The following AFG1L variants were observed in gnomAD, a reference collection of about 807,000 sequenced individuals.
The protein encoded by AFG1L is AFG1 like ATPase.
A neutral mutation model predicts 62.2 loss-of-function variants in AFG1L; 53 were observed. That is an observed-to-expected ratio of 0.85 (90% confidence interval 0.68 to 1.07). The LOEUF (loss-of-function observed/expected upper bound fraction) is 1.07, where lower values mean the gene tolerates loss of function less well. AFG1L is among the 50% of genes least tolerant of loss of function. The probability of loss-of-function intolerance (pLI) is 0.00; values close to 1 mark genes in which losing one functional copy is unlikely to be tolerated. For synonymous variants in AFG1L, 228 were observed against 210.3 expected (o/e 1.08, Z -0.73); for missense variants, 555 against 590.5 (o/e 0.94, Z 0.62).
At chr6:108,449,103 A>G (rs1374397561) in intron 8 of AFG1L, among the ~76,000 whole-genome samples, 1 of 151,826 alleles carries the variant, frequency 6.6e-6, no homozygotes, top group Non-Finnish European at 1.5e-5. Flanking sequence ...AGCTGTGATC[A>G]TACCACTGTA....
rs544175066 is a variant in AFG1L, at chr6:108,441,407, A to AT, written c.808-5799dup. ...TTTCCTCTCCAAATTTTCTAATTGCATTTTTTTTAGATTGTGTAATTGTAT... is the reference window on the plus strand; with the variant it reads ...TTTCCTCTCCAAATTTTCTAATTGCATTTTTTTTTAGATTGTGTAATTGTAT... On this transcript the variant is annotated intron_variant, in intron 7 of 12. Coordinates refer to ENST00000368977, the MANE Select transcript of AFG1L (RefSeq NM_145315.5). Among the ~76,000 whole-genome samples, 42 of 151,806 alleles carry AT rather than the reference A, an allele frequency of 2.8e-4. No homozygotes were observed. In the East Asian group the frequency reaches 6.4e-3, roughly 23 times the overall value.
At position 108,356,629 on chromosome 6, in the gene AFG1L, T is replaced by C. The variant is rs930873807; in HGVS notation, c.518-61T>C. 26 of 1,178,046 alleles carry C rather than the reference T, an allele frequency of 2.2e-5. No individual in the cohort carries two copies. The Admixed American group carries it at 6.2e-4, about 28-fold the overall frequency. 73.0% of individuals were successfully genotyped at this position (1,178,046 alleles called of 1,614,324 possible). ...GTTTCATTTAGAGATTTTAAAAATA[T>C]GTTATAATTGTCTAAAAAGTACTAA... On this transcript the variant is annotated intron_variant, in intron 4 of 12. Transcript: ENST00000368977.
intron 6 of AFG1L, among the ~76,000 whole-genome samples, chr6:108,394,039 C>T (rs1781180051): frequency 6.7e-6 from 1 of 150,108 alleles, no homozygotes. Flanking sequence ...CCTTCCCCTT[C>T]CCTTCCCTCC....
intron 10 of AFG1L, among the ~76,000 whole-genome samples, chr6:108,499,111 C>A (rs1465105154): frequency 6.7e-6 from 1 of 149,782 alleles, no homozygotes; most frequent in Non-Finnish European, 1.5e-5. Flanking sequence ...CTCTGTCGCC[C>A]AGGCTGGAGT....
intron 10 of AFG1L, among the ~76,000 whole-genome samples, chr6:108,501,418 AG>A (rs1774197102): frequency 6.6e-6 from 1 of 152,226 alleles, no homozygotes; most frequent in Non-Finnish European, 1.5e-5. Flanking sequence ...ATTTTTTGTT[AG>A]GGCAATGAAG....
At chr6:108,322,304 G>C (rs766813262) in intron 1 of AFG1L, among the ~76,000 whole-genome samples, 2 of 152,130 alleles carry the variant, frequency 1.3e-5, no homozygotes, top group African/African-American at 2.4e-5. Flanking sequence ...TGTGTATCTT[G>C]TTGCTCTGCT....
At chr6:108,414,457 G>A (rs1782266159) in intron 7 of AFG1L, among the ~76,000 whole-genome samples, 2 of 152,142 alleles carry the variant, frequency 1.3e-5, no homozygotes, top group South Asian at 4.1e-4. Flanking sequence ...AAGCCCGGCA[G>A]AGACACAACA....
At chr6:108,403,572 T>C (rs1030549906) in intron 7 of AFG1L, among the ~76,000 whole-genome samples, 1 of 152,176 alleles carries the variant, frequency 6.6e-6, no homozygotes, top group Non-Finnish European at 1.5e-5. Flanking sequence ...TATTCATGCT[T>C]TGCATTTAGG....
intron 3 of AFG1L, among the ~76,000 whole-genome samples, chr6:108,352,015 T>G (rs1162594823): frequency 6.6e-6 from 1 of 152,208 alleles, no homozygotes; most frequent in African/African-American, 2.4e-5. Context: ...TCAGTAGTAT[T>G]GTCTGTTCAC....
intron 8 of AFG1L, among the ~76,000 whole-genome samples, chr6:108,470,552 G>GAGGGAAATATTACACTTACAGA (rs1772844951): frequency 6.8e-6 from 1 of 147,644 alleles, no homozygotes; most frequent in Non-Finnish European, 1.5e-5. Context: ...TCTAGGACAA[G>GAGGGAAATATTACACTTACAGA]AGGGAAATAT....
At chr6:108,344,654 T>C (rs892396466) in intron 2 of AFG1L, 1 of 463,582 alleles carries the variant, frequency 2.2e-6, no homozygotes, top group Admixed American at 2.4e-5. Context: ...GTTTTGAGAA[T>C]GTTCTCTGCC....
chr6:108,382,773 A>G (rs1780603344), intron 6 of AFG1L, among the ~76,000 whole-genome samples: 1 of 152,246 alleles, frequency 6.6e-6, no homozygotes, highest in African/African-American at 2.4e-5. Flanking sequence ...AAGTACAGAC[A>G]GATTATGACA....
chr6:108,330,559 A>G (rs1778237397), intron 2 of AFG1L, among the ~76,000 whole-genome samples: 3 of 152,124 alleles, frequency 2.0e-5, no homozygotes, highest in African/African-American at 7.2e-5. Flanking sequence ...TGGGTATGAA[A>G]CCTTGACATT....
rs59323063 is a variant in AFG1L at position 108,445,633 on chromosome 6, T to TGAGAGAGAGAGA, written c.808-1544_808-1533dup. 1.7e-3 allele frequency among the ~76,000 whole-genome samples: 219 copies of TGAGAGAGAGAGA among 130,110 alleles called. 2 individuals carry two copies. The highest frequency in any genetic ancestry group is 5.6e-3 in the African/African-American group (192 of 34,496). The allele number at this position is 130,110 out of a possible 152,430, so 85.4% of individuals were successfully genotyped here. On this transcript the variant is annotated intron_variant, in intron 7 of 12. Coordinates refer to ENST00000368977, the MANE Select transcript of AFG1L (RefSeq NM_145315.5). ...TCTCAGAGCATAGGGACACCTAAGGTGAGAGAGAGAGAGAGAGAGAGAGAG... is the reference window on the plus strand; with the variant it reads ...TCTCAGAGCATAGGGACACCTAAGGTGAGAGAGAGAGAGAGAGAGAGAGAGAGAGAGAGAGAG...
At chr6:108,411,845 C>A (rs1217464702) in intron 7 of AFG1L, among the ~76,000 whole-genome samples, 1 of 152,212 alleles carries the variant, frequency 6.6e-6, no homozygotes, top group Non-Finnish European at 1.5e-5. Flanking sequence ...AAAATCAGAG[C>A]GCCTCTTCTC....
chr6:108,483,007 A>C (rs1472343059), intron 10 of AFG1L, among the ~76,000 whole-genome samples: 1 of 152,152 alleles, frequency 6.6e-6, no homozygotes, highest in Non-Finnish European at 1.5e-5. Context: ...ATTATCTGAT[A>C]AGGCTATTAA....
chr6:108,451,182 A>G (rs1242136409), intron 8 of AFG1L, among the ~76,000 whole-genome samples: 1 of 152,204 alleles, frequency 6.6e-6, no homozygotes, highest in Non-Finnish European at 1.5e-5. Context: ...GCTTCCTTCT[A>G]GGGGAACACC....
intron 7 of AFG1L, among the ~76,000 whole-genome samples, chr6:108,404,505 G>A (rs1781765809): frequency 1.3e-5 from 2 of 151,918 alleles, no homozygotes; most frequent in Non-Finnish European, 2.9e-5. Context: ...TCAAAATAGT[G>A]AGTACTCTTC....
At chr6:108,506,076 A>C (rs1774408438) in intron 10 of AFG1L, among the ~76,000 whole-genome samples, 1 of 152,184 alleles carries the variant, frequency 6.6e-6, no homozygotes, top group Admixed American at 6.5e-5. Flanking sequence ...GTTTACTTTA[A>C]AGTACAGTCA....
Sources: allele counts gnomAD v4.1 joint callset (sites outside exome capture counted in the v4.1 genomes callset), GRCh38; gene constraint gnomAD v4.1.1; transcripts MANE v1.5; gene names NCBI Gene and HGNC (gene_info 2026-07-23, HGNC 2026-07-21).